TRMT2B: variants seen among roughly 807,000 people sequenced by gnomAD.
TRMT2B encodes tRNA (uracil-5-)-methyltransferase homolog B.
TRMT2B carries 34 observed loss-of-function variants against 39.7 expected under a neutral mutation model. The observed-to-expected ratio is 0.86, with a 90% CI of 0.65 to 1.14. The LOEUF is 1.14. TRMT2B is among the 50% of genes most tolerant of loss of function. The pLI is 0.00. For synonymous variants in TRMT2B, 132 were observed against 137.3 expected, an observed-to-expected ratio of 0.96 and a Z score of 0.27; for missense variants, 318 against 377.2, an observed-to-expected ratio of 0.84 and a Z score of 1.30.
chrX:100,985,759 G>C, the TRMT2B span: 1 of 1,211,417 alleles, frequency 8.3e-7, no homozygotes, highest in South Asian at 1.8e-5. Context: ...CCTGAATGGA[G>C]ACCTGAAGGG....
chrX:101,019,972 C>A (rs2086717174), intron 11 of TRMT2B, among the ~76,000 whole-genome samples: 1 of 110,927 alleles, frequency 9.0e-6, no homozygotes, highest in South Asian at 3.8e-4. Flanking sequence ...AGGACCTATA[C>A]CAAGATGAGA....
At chrX:100,998,418 G>A in the TRMT2B span, among the ~76,000 whole-genome samples, 2 of 109,103 alleles carry the variant, frequency 1.8e-5, no homozygotes, top group East Asian at 5.7e-4. Context: ...AGCCAGGCGT[G>A]GTGGCGCATG....
intron 4 of TRMT2B, 73 bp from the exon 5 acceptor site, chrX:101,038,124 T>G (rs1033418910): frequency 3.6e-5 from 36 of 1,004,600 alleles, no homozygotes; most frequent in Non-Finnish European, 4.7e-5. Context: ...TCCCAGCACT[T>G]TGGGAGGCCG....
At chrX:101,027,429 A>G (rs2087172190) in intron 7 of TRMT2B, among the ~76,000 whole-genome samples, 1 of 105,083 alleles carries the variant, frequency 9.5e-6, no homozygotes, top group African/African-American at 3.5e-5. Context: ...TTTTTAGTAG[A>G]GACAGGGTTT....
chrX:101,042,992 A>G (rs2088334528), intron 2 of TRMT2B, among the ~76,000 whole-genome samples: 1 of 111,923 alleles, frequency 8.9e-6, no homozygotes, highest in Non-Finnish European at 1.9e-5. Context: ...GACAGCCAGG[A>G]GCAGTGGCTC....
At chrX:101,027,590 C>G (rs998712163) in intron 7 of TRMT2B, among the ~76,000 whole-genome samples, 25 of 108,020 alleles carry the variant, frequency 2.3e-4, no homozygotes, top group Non-Finnish European at 3.9e-5. Context: ...CTGGTTCTTC[C>G]TCTTCTTCCA....
intron 13 of TRMT2B, among the ~76,000 whole-genome samples, chrX:101,018,023 G>T (rs2086606230): frequency 8.9e-6 from 1 of 111,789 alleles, no homozygotes; most frequent in South Asian, 3.7e-4. Flanking sequence ...TTGAGCACAG[G>T]AGCTCAAGAC....
rs186708464 is a variant in TRMT2B, at chrX:101,017,263, A to G, written c.1388+1708T>C. Among the ~76,000 whole-genome samples the G allele has an allele frequency of 5.2e-3, 585 of 111,724 alleles. 6 individuals carry two copies. The highest frequency in any genetic ancestry group is 0.018 in the African/African-American group (556 of 30,826). ...GTTTTGCCCCTTAATATTGTTGATTAGGCTTATTTATTTAATTTTTTTCTT... is the reference window on the plus strand; with the variant it reads ...GTTTTGCCCCTTAATATTGTTGATTGGGCTTATTTATTTAATTTTTTTCTT... On this transcript the variant is annotated intron_variant, in intron 13 of 13. Coordinates refer to ENST00000372936, the MANE Select transcript of TRMT2B (RefSeq NM_024917.6).
At chrX:101,048,151 C>CACACACAG (rs1556364309) in intron 2 of TRMT2B, among the ~76,000 whole-genome samples, 2 of 103,228 alleles carry the variant, frequency 1.9e-5, no homozygotes, top group Admixed American at 1.1e-4. Context: ...CACACACACA[C>CACACACAG]AGAGAAAATT....
chrX:100,973,614 T>C, the TRMT2B span: 1 of 1,094,924 alleles, frequency 9.1e-7, no homozygotes. Flanking sequence ...ATAAGCTGAC[T>C]AAAGGCTCAG....
Position 101,010,766 on chromosome X carries a change from A to G in TRMT2B, c.1389-59T>C. 7 of 1,140,570 alleles carry G rather than the reference A, an allele frequency of 6.1e-6. No homozygotes were observed. In the South Asian group the frequency reaches 1.5e-4, roughly 24 times the overall value. The allele number at this position is 1,140,570 out of a possible 1,213,427, so 94.0% of individuals were successfully genotyped here. ...AATAAAAGGAAGAACCCACAGGAAT[A>G]CAATTGCCTAAAATAGAGGCCCTTC... On this transcript the variant is annotated intron_variant, in intron 13 of 13. Coordinates refer to ENST00000372936, the MANE Select transcript of TRMT2B (RefSeq NM_024917.6).
chrX:101,019,951 C>A (rs780820903), intron 11 of TRMT2B, among the ~76,000 whole-genome samples: 71 of 110,856 alleles, frequency 6.4e-4, no homozygotes, highest in Non-Finnish European at 1.2e-3. Flanking sequence ...TCACAACTCA[C>A]ATAGCATGCA....
rs1263386524 is a variant in TRMT2B at position 101,023,490 on chromosome X, G to A, written c.736C>T (p.His246Tyr). 1.7e-6 allele frequency: 2 copies of A among 1,209,309 alleles called. No homozygotes were observed. Among genetic ancestry groups the A allele is most frequent in the Middle Eastern group, 2.3e-4 (1 of 4,333 alleles). Residue 246 changes from histidine (H) to tyrosine (Y), a missense_variant, in exon 8 of 14, where the codon CAT becomes TAT. By Grantham distance (83) the His-to-Tyr change is moderately conservative. Transcript: ENST00000372936. Reference sequence around the variant, plus strand: ...CTCACCTGACTTAATTTCTGGGGATGGAAAGTGATGATAGCCATTGTGTGC... The same window carrying A: ...CTCACCTGACTTAATTTCTGGGGATAGAAAGTGATGATAGCCATTGTGTGC... ...QGHTMAIITF[H>Y]PQKLSQEELH...
At chrX:101,048,463 AC>A (rs1006498173) in intron 2 of TRMT2B, among the ~76,000 whole-genome samples, 1 of 110,651 alleles carries the variant, frequency 9.0e-6, no homozygotes. Context: ...AAAAAAAAAA[AC>A]AGTCTTACTT....
intron 13 of TRMT2B, among the ~76,000 whole-genome samples, chrX:101,011,456 T>G (rs1266910517): frequency 8.9e-6 from 1 of 112,002 alleles, no homozygotes; most frequent in African/African-American, 3.2e-5. Context: ...TTTTAACTGA[T>G]TTTAAAATTA....
the TRMT2B span, among the ~76,000 whole-genome samples, chrX:100,979,261 C>A: frequency 8.9e-6 from 1 of 111,767 alleles, no homozygotes. Context: ...TCATTAACAT[C>A]CTTTTCTTTC....
the TRMT2B span, chrX:100,973,646 CTTAT>C: frequency 1.7e-6 from 2 of 1,185,091 alleles, no homozygotes; most frequent in Non-Finnish European, 2.3e-6. Context: ...GGACTTACTT[CTTAT>C]TTTCTTTCTT....
chrX:100,991,791 C>G, the TRMT2B span, among the ~76,000 whole-genome samples: 3 of 111,162 alleles, frequency 2.7e-5, no homozygotes, highest in African/African-American at 9.8e-5. Context: ...TCAAATTTGC[C>G]CAAGGTCCCA....
rs776519472 is a variant in TRMT2B, at chrX:101,042,049, G to T, written c.241C>A (p.Gln81Lys). The T allele has an allele frequency of 8.3e-7, 1 of 1,209,981 alleles. No homozygotes were observed. Among genetic ancestry groups the T allele is most frequent in the African/African-American group, 1.7e-5 (1 of 57,337 alleles). Reference sequence around the variant, plus strand: ...CATCAGCCTGGCCTTTACCTTTCCTGCCAGGAACCATCTAGTGGTCCAAGA... The same window carrying T: ...CATCAGCCTGGCCTTTACCTTTCCTTCCAGGAACCATCTAGTGGTCCAAGA... ...SHLGPLDGSW[Q>K]ERLADVVTPL... is the part of the protein sequence containing the mutation. Residue 81 changes from glutamine to lysine, a missense_variant, in exon 3 of 14, where the codon CAG (glutamine) becomes AAG (lysine). Physicochemically the swap from Gln to Lys is moderately conservative, Grantham distance 53. Coordinates refer to ENST00000372936, the MANE Select transcript of TRMT2B (RefSeq NM_024917.6).
Sources: gnomAD v4.1 joint callset for allele counts (sites outside exome capture counted in the v4.1 genomes callset) on GRCh38, gnomAD v4.1.1 for gene constraint, MANE v1.5 for transcripts, NCBI Gene and HGNC (gene_info 2026-07-23, HGNC 2026-07-21) for gene names.